The following TAOK2 variants were observed in gnomAD, a reference collection of about 807,000 sequenced individuals.
TAOK2 encodes the protein TAO kinase 2.
In TAOK2, 42 loss-of-function variants were observed where a neutral mutation model predicts 122.5. The observed-to-expected ratio is 0.34, with a 90% CI of 0.27 to 0.44. The LOEUF (loss-of-function observed/expected upper bound fraction) is 0.44. Ranked by LOEUF, TAOK2 falls within the 20% of genes least tolerant of loss-of-function variation. The pLI is 1.00. For synonymous variants in TAOK2, 704 were observed against 677.6 expected (o/e 1.04, Z -0.61); for missense variants, 1,264 against 1,644.9 (o/e 0.77, Z 4.01).
chr16:29,982,623 G>T, intron 10 of TAOK2, 111 bp from the exon 11 acceptor site: 1 of 1,424,130 alleles, frequency 7.0e-7, no homozygotes, highest in Non-Finnish European at 9.5e-7. Context: ...GCATCAACCC[G>T]TGGTGGGCGT....
downstream of TAOK2, chr16:29,990,491 G>A (rs1567254816): frequency 3.9e-6 from 1 of 254,718 alleles, no homozygotes; most frequent in Middle Eastern, 1.2e-3. Flanking sequence ...ATTTTCCATG[G>A]TATGGCTGTA....
At chr16:29,978,698 A>G in intron 4 of TAOK2, 101 bp from the exon 5 acceptor site, 3 of 1,395,754 alleles carry the variant, frequency 2.1e-6, no homozygotes, top group Non-Finnish European at 3.0e-6. Flanking sequence ...CCTCCCTGTC[A>G]TCACCCCGGG....
chr16:29,988,813 G>A (rs759483034), downstream of TAOK2: 8 of 985,264 alleles, frequency 8.1e-6, no homozygotes, highest in Non-Finnish European at 9.6e-6. Context: ...GCTGAGCTGG[G>A]GGCAACCAGG....
At chr16:29,981,836 T>G in intron 9 of TAOK2, 23 bp from the exon 10 acceptor site, 6 of 1,295,782 alleles carry the variant, frequency 4.6e-6, no homozygotes, top group Non-Finnish European at 6.6e-6. Flanking sequence ...CCCACCCCTC[T>G]CCCACCCTCC....
At chr16:29,991,723 T>G (rs1005456542), downstream of TAOK2, 25 of 1,012,230 alleles carry the variant, frequency 2.5e-5, no homozygotes, top group Admixed American at 2.5e-4. The surrounding 1 kb of genome is among the most constrained non-coding windows in gnomAD (Gnocchi z 5.6). Context: ...TTCTTGGGGC[T>G]GGCCAGTGGC....
In TAOK2 at chr16:29,982,830, C is replaced by G. The variant is rs773124521; in HGVS notation, c.928C>G (p.Arg310Gly). 6.2e-7 allele frequency: 1 copy of G among 1,614,064 alleles called. No individual in the cohort carries two copies. Residue 310 changes from arginine (R) to glycine (G), a missense_variant, in exon 11 of 16, where the codon CGC becomes GGC. Coordinates refer to ENST00000308893, the MANE Select transcript of TAOK2 (RefSeq NM_016151.4). ...GCGGGAGCTGGACAACCTGCAGTACCGCAAGATGAAGAAGATCCTGTTCCA... is the reference window on the plus strand; with the variant it reads ...GCGGGAGCTGGACAACCTGCAGTACGGCAAGATGAAGAAGATCCTGTTCCA... ...AVRELDNLQYRKMKKILFQEA... is the reference protein window; with the variant it reads ...AVRELDNLQYGKMKKILFQEA...
At position 29,977,726 on chromosome 16, in the gene TAOK2, T is replaced by C. The variant is rs1374406254; in HGVS notation, c.-35-12T>C. The C allele has an allele frequency of 6.2e-7, 1 of 1,606,142 alleles. No individual in the cohort carries two copies. The highest frequency in any genetic ancestry group is 2.2e-5 in the East Asian group (1 of 44,840). On this transcript the variant is annotated splice_polypyrimidine_tract_variant and intron_variant, in intron 1 of 15. Coordinates refer to ENST00000308893, the MANE Select transcript of TAOK2 (RefSeq NM_016151.4). ...ATCCTTGATCTCTAAGGGTCCCATT[T>C]CCATTCCTCAGGCCAGGCCCCACTC...
Position 29,986,668 on chromosome 16 carries a change from G to T in TAOK2, c.2396G>T (p.Arg799Ile). 1 of 1,613,054 alleles carries T rather than the reference G, an allele frequency of 6.2e-7. No individual in the cohort carries two copies. Among genetic ancestry groups the T allele is most frequent in the African/African-American group, 1.3e-5 (1 of 74,940 alleles). Residue 799 changes from arginine to isoleucine, a missense_variant, in exon 16 of 16, where the codon AGA becomes ATA. Physicochemically the swap from Arg to Ile is moderately conservative, Grantham distance 97 (BLOSUM62 -3). Coordinates refer to ENST00000308893, the MANE Select transcript of TAOK2 (RefSeq NM_016151.4). This position sits in a 1 kb window ranked among gnomAD's most constrained non-coding sequence, Gnocchi z 4.2. ...LGEEEEAVGERRILGKEGATL... is the reference protein window; with the variant it reads ...LGEEEEAVGEIRILGKEGATL... ...GAGGAGGAGGAAGCAGTTGGAGAGA[G>T]AAGGATTCTGGGAAAGGAAGGGGCC...
At chr16:29,984,607 T>A (rs938308715) in intron 13 of TAOK2, among the ~76,000 whole-genome samples, 1 of 152,096 alleles carries the variant, frequency 6.6e-6, no homozygotes, top group African/African-American at 2.4e-5. Context: ...CTGCCGGGAC[T>A]AGTTTGAGAG....
Position 29,985,614 on chromosome 16 carries a change from G to A in TAOK2, c.1788+36G>A, listed in dbSNP as rs763530752. ...GCTGCTTGGGGGCGGAGCCGATGGC[G>A]AGCCAGGTGGGTCCTGACCCTGCTT... is the stretch of plus-strand genomic sequence containing the variant. On this transcript the variant is annotated intron_variant, in intron 14 of 15. Coordinates refer to ENST00000308893, the MANE Select transcript of TAOK2 (RefSeq NM_016151.4). This position sits in a 1 kb window ranked among gnomAD's most constrained non-coding sequence, Gnocchi z 6.9. The A allele has an allele frequency of 5.6e-6, 9 of 1,603,888 alleles. No individual in the cohort carries two copies. Among genetic ancestry groups the A allele is most frequent in the African/African-American group, 1.3e-5 (1 of 74,854 alleles).
At chr16:29,977,340 C>T (rs1280295935) in intron 1 of TAOK2, among the ~76,000 whole-genome samples, 1 of 152,114 alleles carries the variant, frequency 6.6e-6, no homozygotes, top group Non-Finnish European at 1.5e-5. Context: ...CAGAAAGGTG[C>T]CTGGAAACAG....
In TAOK2 at chr16:29,983,261, C is replaced by G. The variant is rs1462713646; in HGVS notation, c.1189C>G (p.Arg397Gly). The G allele has an allele frequency of 3.1e-6, 5 of 1,608,112 alleles. No individual in the cohort carries two copies. The highest frequency in any genetic ancestry group is 4.2e-6 in the Non-Finnish European group (5 of 1,179,880). Residue 397 changes from arginine (R) to glycine (G), a missense_variant, in exon 12 of 16, where the codon CGG (arginine) becomes GGG (glycine). This residue lies in a region of TAOK2 where 122 missense variants were observed against 116.7 expected (regional missense o/e 1.04). Transcript: ENST00000308893. Reference protein sequence around the residue: ...EEEEEEGPEAREMAMMQEGEH... With the variant: ...EEEEEEGPEAGEMAMMQEGEH... ...GGAGGAGGAAGAAGGCCCTGAAGCCCGGGAGATGGCCATGATGCAGGAGGG... is the reference window on the plus strand; with the variant it reads ...GGAGGAGGAAGAAGGCCCTGAAGCCGGGGAGATGGCCATGATGCAGGAGGG...
intron 13 of TAOK2, among the ~76,000 whole-genome samples, chr16:29,984,818 A>T (rs566092440): frequency 6.6e-6 from 1 of 152,136 alleles, no homozygotes; most frequent in Admixed American, 6.5e-5. Context: ...CACAGCCCCT[A>T]TGAGGAGGTA....
rs551662871 is a variant in TAOK2, at chr16:29,979,564, C to G, written c.655+56C>G. Reference sequence around the variant, plus strand: ...CTTTTCCATTCTTTCCTGTTAGTTCCCAGACTCCGGACTACCCCCTTCTCC... The same window carrying G: ...CTTTTCCATTCTTTCCTGTTAGTTCGCAGACTCCGGACTACCCCCTTCTCC... On this transcript the variant is annotated intron_variant, in intron 8 of 15. Transcript: ENST00000308893. This position sits in a 1 kb window ranked among gnomAD's most constrained non-coding sequence, Gnocchi z 4.1. 1.6e-5 allele frequency: 22 copies of G among 1,365,784 alleles called. No homozygotes were observed. The highest frequency in any genetic ancestry group is 2.2e-5 in the Non-Finnish European group (22 of 1,022,482). 84.6% of individuals were successfully genotyped at this position (1,365,784 alleles called of 1,614,324 possible).
chr16:29,985,139 C>T lies in TAOK2; in HGVS notation c.1423-74C>T. The T allele has an allele frequency of 7.0e-7, 1 of 1,435,480 alleles. No individual in the cohort carries two copies. The highest frequency in any genetic ancestry group is 9.2e-7 in the Non-Finnish European group (1 of 1,092,264). 88.9% of individuals were successfully genotyped at this position (1,435,480 alleles called of 1,614,324 possible). ...ATGAGTTGAAAACCCATGCTCTTCCCCACGGAAGACCCCTTGTGTTAATTA... is the reference window on the plus strand; with the variant it reads ...ATGAGTTGAAAACCCATGCTCTTCCTCACGGAAGACCCCTTGTGTTAATTA... On this transcript the variant is annotated intron_variant, in intron 13 of 15. Coordinates refer to ENST00000308893, the MANE Select transcript of TAOK2 (RefSeq NM_016151.4). The surrounding 1 kb of genome is among the most constrained non-coding windows in gnomAD (Gnocchi z 6.9).
At chr16:29,989,195 G>A, downstream of TAOK2, 1 of 985,060 alleles carries the variant, frequency 1.0e-6, no homozygotes, top group Non-Finnish European at 1.2e-6. Flanking sequence ...CTGTCTCTAG[G>A]TCACAGTCTC....
chr16:29,989,039 C>T (rs1052303598), downstream of TAOK2: 1 of 985,050 alleles, frequency 1.0e-6, no homozygotes, highest in African/African-American at 1.7e-5. Context: ...CGGTGCTTCT[C>T]CTCCTTCCCT....
Position 29,987,670 on chromosome 16 carries a change from G to A in TAOK2, c.3398G>A (p.Arg1133Gln), listed in dbSNP as rs147468853. The change falls in exon 16 of 16, where the codon CGG becomes CAG. Residue 1133 changes from arginine (R) to glutamine (Q), a missense_variant. By Grantham distance (43) the Arg-to-Gln change is conservative. Around this residue, in one of 4 missense-constraint regions of TAOK2, gnomAD observed 824 missense variants for 908.7 expected, o/e 0.91. Transcript: ENST00000308893. The stretch of plus-strand genomic sequence containing the variant: ...AGCCGCCTGCCCGTCCCTGGGCCCC[G>A]GCGGCGTAATCCCCGCACCACCCAA... ...FRSRLPVPGP[R>Q]RRNPRTTQHP... 233 of 1,613,694 alleles carry A rather than the reference G, an allele frequency of 1.4e-4. No homozygotes were observed. The highest frequency in any genetic ancestry group is 2.8e-4 in the African/African-American group (21 of 74,926).
chr16:29,978,223 G>T, intron 3 of TAOK2, 29 bp from the exon 4 acceptor site: 3 of 1,613,934 alleles, frequency 1.9e-6, no homozygotes, highest in Non-Finnish European at 2.5e-6. Flanking sequence ...ATGCAAGCTG[G>T]GTAACCTCTG....
Sources: gnomAD v4.1 joint callset for allele counts (sites outside exome capture counted in the v4.1 genomes callset) on GRCh38, gnomAD v4.1.1 for gene constraint, gnomAD v4.1.1 regional missense constraint, Gnocchi (gnomAD v3.1) non-coding constraint, MANE v1.5 for transcripts, NCBI Gene and HGNC (gene_info 2026-07-23, HGNC 2026-07-21) for gene names.